The following MEF2A variants were observed in gnomAD, a reference collection of about 807,000 sequenced individuals.
MEF2A encodes the protein myocyte enhancer factor 2A, also known as myocyte-specific enhancer factor 2A.
In MEF2A, 28 loss-of-function variants were observed where a neutral mutation model predicts 55.8. That is an observed-to-expected ratio of 0.50 (90% CI 0.37 to 0.69). The LOEUF is 0.69. MEF2A is among the 30% of genes least tolerant of loss of function. The pLI, the probability that MEF2A is intolerant of heterozygous loss-of-function variation, is 0.00. For missense variants in MEF2A, 528 were observed against 626.2 expected (o/e 0.84, Z 1.67); for synonymous variants, 239 against 227.1 (o/e 1.05, Z -0.47).
rs2059140199 is a variant in MEF2A, at chr15:99,716,233, A to T, written c.*3462A>T. ...GGTAAATGTTTGTAGTCAACAGTTC[A>T]CACAAGAAGCTGTACACGGTTTGAT... On this transcript the variant is annotated 3_prime_UTR_variant, in exon 12 of 12. Transcript: ENST00000557942. The T allele has an allele frequency of 3.8e-6, 1 of 265,862 alleles. No individual in the cohort carries two copies. The highest frequency in any genetic ancestry group is 7.6e-6 in the Non-Finnish European group (1 of 131,812). 16.5% of individuals were successfully genotyped at this position (265,862 alleles called of 1,614,324 possible).
chr15:99,713,842 T>C lies in MEF2A; in HGVS notation c.*1071T>C, dbSNP rs2058896766. ...ATGTAAATTAAAAGTTGAGCCAAACTCTTTGTGTATATAGCATCTTAAATA... is the reference window on the plus strand; with the variant it reads ...ATGTAAATTAAAAGTTGAGCCAAACCCTTTGTGTATATAGCATCTTAAATA... On this transcript the variant is annotated 3_prime_UTR_variant, in exon 12 of 12. Transcript: ENST00000557942. 1 of 152,198 alleles carries C rather than the reference T, an allele frequency of 6.6e-6. No homozygotes were observed. Among genetic ancestry groups the C allele is most frequent in the African/African-American group, 2.4e-5 (1 of 41,448 alleles). The allele number at this position is 152,198 out of a possible 1,614,324, so 9.4% of individuals were successfully genotyped here.
At chr15:99,646,172 AAAT>A (rs1474259367) in intron 4 of MEF2A, among the ~76,000 whole-genome samples, 4 of 152,174 alleles carry the variant, frequency 2.6e-5, no homozygotes, top group African/African-American at 7.2e-5. Flanking sequence ...ACAATTATGT[AAAT>A]AATATTTGCT....
chr15:99,567,627 C>CTGTGTGTGTGTG lies in MEF2A; in HGVS notation c.-225+1549_-225+1560dup, dbSNP rs370539645. Among the ~76,000 whole-genome samples, 547 of 143,858 alleles carry CTGTGTGTGTGTG rather than the reference C, an allele frequency of 3.8e-3. 3 individuals carry two copies. Among genetic ancestry groups the CTGTGTGTGTGTG allele is most frequent in the East Asian group, 0.02 (98 of 4,940 alleles). 94.4% of individuals were successfully genotyped at this position (143,858 alleles called of 152,430 possible). ...TGTGCCTTTATGGCTTTTGTATGTA[C>CTGTGTGTGTGTG]TGTGTGTGTGTGTGTGTGTGTGTGT... On this transcript the variant is annotated intron_variant, in intron 1 of 11. Coordinates refer to ENST00000557942, the MANE Select transcript of MEF2A (RefSeq NM_001319206.4).
chr15:99,707,684 G>A (rs939037141), intron 10 of MEF2A, among the ~76,000 whole-genome samples: 2 of 152,052 alleles, frequency 1.3e-5, no homozygotes, highest in Non-Finnish European at 2.9e-5. Flanking sequence ...AGAGGAAGAC[G>A]GCAGTAGTTC....
intron 8 of MEF2A, among the ~76,000 whole-genome samples, chr15:99,696,877 C>T (rs2056550217): frequency 6.6e-6 from 1 of 152,000 alleles, no homozygotes; most frequent in Non-Finnish European, 1.5e-5. Context: ...AATCCATATT[C>T]CTCATGAACT....
Position 99,570,141 on chromosome 15 carries a change from G to T in MEF2A, c.-225+4037G>T, listed in dbSNP as rs182389536. Among the ~76,000 whole-genome samples, 4 of 152,040 alleles carry T rather than the reference G, an allele frequency of 2.6e-5. No homozygotes were observed. The East Asian group carries it at 7.7e-4, about 29-fold the overall frequency. On this transcript the variant is annotated intron_variant, in intron 1 of 11. Coordinates refer to ENST00000557942, the MANE Select transcript of MEF2A (RefSeq NM_001319206.4). ...ATGAGTTAAAAATATTAGCTCCTTT[G>T]TGAGGTGGAATACCATATTTAAACA... is the stretch of plus-strand genomic sequence containing the variant.
At chr15:99,570,113 CAT>C (rs1961515548) in intron 1 of MEF2A, among the ~76,000 whole-genome samples, 2 of 151,976 alleles carry the variant, frequency 1.3e-5, no homozygotes, top group Admixed American at 1.3e-4. Context: ...AAATCATAAG[CAT>C]ATGAGTTAAA....
chr15:99,619,776 G>C (rs1328354857), intron 2 of MEF2A, among the ~76,000 whole-genome samples: 1 of 152,166 alleles, frequency 6.6e-6, no homozygotes, highest in Non-Finnish European at 1.5e-5. Context: ...CATATAATTG[G>C]ATTTTCCTGT....
chr15:99,712,283 A>G lies in MEF2A; in HGVS notation c.1137-107A>G. On this transcript the variant is annotated intron_variant, in intron 11 of 11. Transcript: ENST00000557942. The surrounding 1 kb of genome is among the most constrained non-coding windows in gnomAD (Gnocchi z 4.1). ...ACCAGTCTTGGGGAACTCTGATAAG[A>G]TTTCAGACTCTGGGCCCTTTTCCAT... 7.0e-7 allele frequency: 1 copy of G among 1,434,600 alleles called. No individual in the cohort carries two copies. The highest frequency in any genetic ancestry group is 9.1e-7 in the Non-Finnish European group (1 of 1,096,604). 88.9% of individuals were successfully genotyped at this position (1,434,600 alleles called of 1,614,324 possible).
chr15:99,658,714 CAAATG>C (rs774800877), intron 4 of MEF2A, among the ~76,000 whole-genome samples: 4 of 151,938 alleles, frequency 2.6e-5, no homozygotes, highest in Non-Finnish European at 5.9e-5. Context: ...TTCCAAATAA[CAAATG>C]AAATCTGGAG....
chr15:99,654,286 A>G (rs2047320283), intron 4 of MEF2A, among the ~76,000 whole-genome samples: 1 of 152,120 alleles, frequency 6.6e-6, no homozygotes. Flanking sequence ...TATTCTAACT[A>G]GCATATATTT....
intron 6 of MEF2A, 63 bp from the exon 7 acceptor site, chr15:99,675,336 A>G: frequency 7.5e-7 from 1 of 1,340,460 alleles, no homozygotes; most frequent in South Asian, 1.2e-5. Flanking sequence ...ACGTTCAGTT[A>G]GGTAAAGAGA....
At chr15:99,664,873 T>A (rs1186362393) in intron 4 of MEF2A, among the ~76,000 whole-genome samples, 1 of 152,214 alleles carries the variant, frequency 6.6e-6, no homozygotes, top group Non-Finnish European at 1.5e-5. Context: ...AACATTACTA[T>A]CATAAAATTA....
At chr15:99,654,648 A>C (rs2047407413) in intron 4 of MEF2A, among the ~76,000 whole-genome samples, 1 of 152,124 alleles carries the variant, frequency 6.6e-6, no homozygotes, top group African/African-American at 2.4e-5. Context: ...GGCTGTGTTC[A>C]AGCGGGCTCC....
Position 99,674,453 on chromosome 15 carries a change from G to A in MEF2A, c.451G>A (p.Ala151Thr), listed in dbSNP as rs1443951476. 2 of 1,613,900 alleles carry A rather than the reference G, an allele frequency of 1.2e-6. No individual in the cohort carries two copies. The highest frequency in any genetic ancestry group is 1.7e-6 in the Non-Finnish European group (2 of 1,179,852). Residue 151 changes from alanine to threonine, a missense_variant, in exon 6 of 12, where the codon GCT (alanine) becomes ACT (threonine). Physicochemically the swap from Ala to Thr is moderately conservative, Grantham distance 58 (BLOSUM62 0). Coordinates refer to ENST00000557942, the MANE Select transcript of MEF2A (RefSeq NM_001319206.4). Reference sequence around the variant, plus strand: ...CACAGTTCCAGTGACCAGCCCCAATGCTTTGTCCTACACTAACCCAGGGAG... The same window carrying A: ...CACAGTTCCAGTGACCAGCCCCAATACTTTGTCCTACACTAACCCAGGGAG... ...SVTVPVTSPN[A>T]LSYTNPGSSL...
chr15:99,701,457 G>A (rs1289157608), intron 8 of MEF2A, among the ~76,000 whole-genome samples: 1 of 152,236 alleles, frequency 6.6e-6, no homozygotes, highest in East Asian at 1.9e-4. Context: ...ACAGAGCAGA[G>A]GAGACGAAGG....
At chr15:99,662,230 A>G (rs541370683) in intron 4 of MEF2A, among the ~76,000 whole-genome samples, 4 of 152,278 alleles carry the variant, frequency 2.6e-5, no homozygotes, top group South Asian at 2.1e-4. Context: ...TTTTGACTTG[A>G]TTGAAATGAC....
At chr15:99,586,248 C>G (rs921093827) in intron 1 of MEF2A, among the ~76,000 whole-genome samples, 1 of 152,118 alleles carries the variant, frequency 6.6e-6, no homozygotes, top group Non-Finnish European at 1.5e-5. Context: ...TCATAAGAAA[C>G]TGTGCAACTG....
intron 2 of MEF2A, among the ~76,000 whole-genome samples, chr15:99,600,724 G>A (rs904851108): frequency 1.8e-4 from 27 of 151,410 alleles, no homozygotes; most frequent in Non-Finnish European, 2.8e-4. Context: ...TTATGTGTGG[G>A]TCTGTTTCAG....
Sources: allele counts gnomAD v4.1 joint callset (sites outside exome capture counted in the v4.1 genomes callset), GRCh38; gene constraint gnomAD v4.1.1; non-coding constraint Gnocchi (gnomAD v3.1); transcripts MANE v1.5; gene names NCBI Gene and HGNC (gene_info 2026-07-23, HGNC 2026-07-21).